The following EYS variants were observed in gnomAD, a reference collection of about 807,000 sequenced individuals.
EYS encodes protein eyes shut homolog.
Under a neutral mutation model 282.1 loss-of-function variants are expected in EYS, and 250 were observed. The observed-to-expected ratio is 0.89, with a 90% CI of 0.80 to 0.98. The LOEUF is 0.98. EYS is among the 50% of genes least tolerant of loss of function. The pLI, the probability that EYS is intolerant of heterozygous loss-of-function variation, is 0.00. For synonymous variants in EYS, 1,355 were observed against 1,282.9 expected (o/e 1.06, Z -1.20); for missense variants, 4,016 against 3,709.0 (o/e 1.08, Z -2.15).
chr6:64,817,149 T>C (rs1764761720), intron 21 of EYS, among the ~76,000 whole-genome samples: 1 of 152,094 alleles, frequency 6.6e-6, no homozygotes, highest in South Asian at 2.1e-4. Context: ...GCTGACCATT[T>C]GTTGAGGGAG....
chr6:65,285,041 A>C (rs1342571926), intron 12 of EYS, among the ~76,000 whole-genome samples: 1 of 151,932 alleles, frequency 6.6e-6, no homozygotes, highest in East Asian at 1.9e-4. Flanking sequence ...TTTTTCTATT[A>C]AAGGTCTTCC....
intron 10 of EYS, among the ~76,000 whole-genome samples, chr6:65,335,885 T>A (rs73443152): frequency 0.07 from 10,667 of 151,720 alleles, 836 homozygotes; most frequent in African/African-American, 0.2. Flanking sequence ...CGATTCTGAC[T>A]GTTGGAGGTG....
intron 19 of EYS, among the ~76,000 whole-genome samples, chr6:64,848,924 G>A (rs1370025290): frequency 6.6e-6 from 1 of 151,992 alleles, no homozygotes; most frequent in Non-Finnish European, 1.5e-5. Flanking sequence ...TAAAATCTTT[G>A]AACAACTTGA....
At chr6:65,544,784 T>C (rs1768320341) in intron 2 of EYS, among the ~76,000 whole-genome samples, 1 of 152,142 alleles carries the variant, frequency 6.6e-6, no homozygotes. Flanking sequence ...ATGCCAGTGA[T>C]CTAAACAGTT....
chr6:64,507,067 G>C (rs908509348), intron 26 of EYS, among the ~76,000 whole-genome samples: 4 of 148,296 alleles, frequency 2.7e-5, no homozygotes, highest in Middle Eastern at 3.4e-3. Context: ...ATTACAAAAA[G>C]TTCAATTAAA....
chr6:64,191,926 C>A (rs529486456), intron 31 of EYS, among the ~76,000 whole-genome samples: 1 of 148,940 alleles, frequency 6.7e-6, no homozygotes, highest in East Asian at 2.0e-4. Flanking sequence ...AATGGTTGAA[C>A]TAGTTTACAG....
intron 12 of EYS, among the ~76,000 whole-genome samples, chr6:65,106,707 A>G (rs1218479998): frequency 1.3e-5 from 2 of 152,004 alleles, no homozygotes; most frequent in East Asian, 1.9e-4. Flanking sequence ...CAGACATTTT[A>G]TGTTCACCGT....
intron 22 of EYS, among the ~76,000 whole-genome samples, chr6:64,647,917 G>GA (rs1768414409): frequency 6.6e-6 from 1 of 152,054 alleles, no homozygotes; most frequent in African/African-American, 2.4e-5. Context: ...TGGTTTTAAG[G>GA]AAAAAACATG....
intron 31 of EYS, among the ~76,000 whole-genome samples, chr6:64,181,000 G>A (rs552219083): frequency 6.6e-5 from 10 of 152,094 alleles, no homozygotes; most frequent in South Asian, 4.1e-4. Context: ...TTCCACCTTC[G>A]TGTCCATGTG....
At chr6:64,814,988 T>C (rs1337675835) in intron 21 of EYS, among the ~76,000 whole-genome samples, 1 of 152,046 alleles carries the variant, frequency 6.6e-6, no homozygotes, top group Non-Finnish European at 1.5e-5. Flanking sequence ...ACAAGACTAT[T>C]ATGGAAGCCA....
At chr6:64,259,093 T>C (rs1212845971) in intron 30 of EYS, among the ~76,000 whole-genome samples, 7 of 152,080 alleles carry the variant, frequency 4.6e-5, no homozygotes, top group Non-Finnish European at 1.0e-4. Context: ...CCACCTACTA[T>C]GGATTCCTCT....
At chr6:64,409,732 G>T (rs1420615880) in intron 28 of EYS, among the ~76,000 whole-genome samples, 3 of 152,128 alleles carry the variant, frequency 2.0e-5, no homozygotes, top group African/African-American at 7.2e-5. Context: ...GAGATACATG[G>T]TTTTTGTTCA....
chr6:64,651,656 G>A (rs375312366), intron 22 of EYS, among the ~76,000 whole-genome samples: 3 of 152,076 alleles, frequency 2.0e-5, no homozygotes, highest in African/African-American at 2.4e-5. Flanking sequence ...GCACTCCAGC[G>A]TGGTGACAGA....
intron 10 of EYS, among the ~76,000 whole-genome samples, chr6:65,342,955 T>A (rs547196735): frequency 6.6e-6 from 1 of 151,238 alleles, no homozygotes; most frequent in South Asian, 2.1e-4. Flanking sequence ...ATGTAACTAT[T>A]TTTAATATAC....
At chr6:64,125,489 G>C (rs1047094898) in intron 31 of EYS, among the ~76,000 whole-genome samples, 4 of 151,750 alleles carry the variant, frequency 2.6e-5, no homozygotes, top group African/African-American at 9.7e-5. Context: ...TTTAAAAGTC[G>C]TCAACTGTCG....
chr6:64,814,859 T>C (rs1018684350), intron 21 of EYS, among the ~76,000 whole-genome samples: 3 of 152,014 alleles, frequency 2.0e-5, no homozygotes, highest in Non-Finnish European at 2.9e-5. Flanking sequence ...AAAATACTTC[T>C]TCAGCGTTTT....
chr6:65,320,236 C>T (rs1554183777), intron 11 of EYS, among the ~76,000 whole-genome samples: 1 of 151,066 alleles, frequency 6.6e-6, no homozygotes, highest in Non-Finnish European at 1.5e-5. Context: ...GGCTGCGAGT[C>T]AGCCAATGAG....
intron 18 of EYS, among the ~76,000 whole-genome samples, chr6:64,898,002 G>A (rs1331385078): frequency 1.3e-5 from 2 of 152,176 alleles, no homozygotes. Flanking sequence ...AAAGTGACAG[G>A]GAGAATGGAA....
intron 2 of EYS, among the ~76,000 whole-genome samples, chr6:65,599,300 T>C (rs534110531): frequency 6.6e-5 from 10 of 152,222 alleles, no homozygotes; most frequent in Non-Finnish European, 1.3e-4. Flanking sequence ...ATATCTCTTC[T>C]GGACTCTCCA....
Sources: gnomAD v4.1 joint callset for allele counts (sites outside exome capture counted in the v4.1 genomes callset) on GRCh38, gnomAD v4.1.1 for gene constraint, MANE v1.5 for transcripts, NCBI Gene and HGNC (gene_info 2026-07-23, HGNC 2026-07-21) for gene names.